ASTN2: variants seen among roughly 807,000 people sequenced by gnomAD.
ASTN2 encodes the protein astrotactin-2.
ASTN2 carries 54 observed loss-of-function variants against 139.8 expected under a neutral mutation model. The ratio of observed to expected loss-of-function variants is 0.39; its 90% CI spans 0.31 to 0.48. The LOEUF (loss-of-function observed/expected upper bound fraction) is 0.48. Among genes scored for constraint, ASTN2 ranks in the 20% least tolerant of loss-of-function variants. The pLI, the probability that ASTN2 is intolerant of heterozygous loss-of-function variation, is 0.95. For missense variants in ASTN2, 1,565 were observed against 1,725.1 expected (o/e 0.91, Z 1.64); for synonymous variants, 756 against 719.5 (o/e 1.05, Z -0.81).
At chr9:117,238,274 G>A (rs189710736) in intron 2 of ASTN2, among the ~76,000 whole-genome samples, 11 of 152,254 alleles carry the variant, frequency 7.2e-5, no homozygotes, top group Non-Finnish European at 1.6e-4. Flanking sequence ...ACAGCCACAG[G>A]AAAAGAGTGG....
intron 10 of ASTN2, among the ~76,000 whole-genome samples, chr9:116,911,765 G>A (rs574783752): frequency 2.6e-5 from 4 of 152,210 alleles, no homozygotes; most frequent in East Asian, 1.9e-4. Context: ...TTAGCCAGGC[G>A]TGGTGGCAGG....
intron 1 of ASTN2, among the ~76,000 whole-genome samples, chr9:117,301,734 T>C (rs1028096000): frequency 1.3e-5 from 2 of 152,164 alleles, no homozygotes; most frequent in Admixed American, 1.3e-4. Context: ...TAAAGTCCTT[T>C]GTTTCCTCTG....
At chr9:116,721,698 A>G (rs1365341030) in intron 16 of ASTN2, among the ~76,000 whole-genome samples, 1 of 152,120 alleles carries the variant, frequency 6.6e-6, no homozygotes, top group East Asian at 1.9e-4. Context: ...TTCCTGCATT[A>G]GATTCTACCT....
At chr9:116,449,363 AC>A (rs1264605882) in intron 20 of ASTN2, among the ~76,000 whole-genome samples, 1 of 152,178 alleles carries the variant, frequency 6.6e-6, no homozygotes, top group East Asian at 1.9e-4. Context: ...CCAAGATGGC[AC>A]CACTGCAGTC....
intron 19 of ASTN2, among the ~76,000 whole-genome samples, chr9:116,605,053 G>C (rs1330829529): frequency 1.3e-5 from 2 of 151,788 alleles, no homozygotes; most frequent in African/African-American, 4.8e-5. Context: ...GAGAGAGAGA[G>C]AGACAGAGAG....
At chr9:116,529,126 G>T (rs1851216293) in intron 19 of ASTN2, among the ~76,000 whole-genome samples, 1 of 152,102 alleles carries the variant, frequency 6.6e-6, no homozygotes, top group African/African-American at 2.4e-5. Context: ...TCAACAGCTT[G>T]CATCATGCAC....
chr9:117,065,540 C>T (rs948781499), intron 5 of ASTN2, among the ~76,000 whole-genome samples: 30 of 152,120 alleles, frequency 2.0e-4, no homozygotes, highest in Admixed American at 1.6e-3. Context: ...TTTTAGTTAC[C>T]TGTCTCTCTC....
intron 16 of ASTN2, among the ~76,000 whole-genome samples, chr9:116,678,347 C>T (rs1256985784): frequency 1.3e-5 from 2 of 152,172 alleles, no homozygotes; most frequent in East Asian, 1.9e-4. Flanking sequence ...GGCTCCACCC[C>T]TAGTACATAA....
At chr9:116,845,182 T>C (rs1377272924) in intron 11 of ASTN2, among the ~76,000 whole-genome samples, 2 of 152,292 alleles carry the variant, frequency 1.3e-5, no homozygotes, top group East Asian at 3.9e-4. Context: ...TGGTGCGATC[T>C]CGGCTCAATG....
chr9:116,498,124 G>T (rs1296352272), intron 19 of ASTN2, among the ~76,000 whole-genome samples: 1 of 152,174 alleles, frequency 6.6e-6, no homozygotes, highest in Non-Finnish European at 1.5e-5. Flanking sequence ...GAAAAAAGAG[G>T]CTCAGAGAGT....
intron 4 of ASTN2, among the ~76,000 whole-genome samples, chr9:117,134,770 G>C (rs1829911111): frequency 1.3e-5 from 2 of 152,116 alleles, no homozygotes; most frequent in African/African-American, 4.8e-5. Context: ...TTGTGGTGCA[G>C]ATACGTAATG....
At chr9:116,450,671 A>G (rs1049950750) in intron 20 of ASTN2, among the ~76,000 whole-genome samples, 7 of 152,154 alleles carry the variant, frequency 4.6e-5, no homozygotes, top group Admixed American at 3.3e-4. Flanking sequence ...GCTACCAAGC[A>G]AAGTATTTCT....
In ASTN2 at chr9:117,291,583, C is replaced by T. The variant is rs1044530556; in HGVS notation, c.443-70G>A. On this transcript the variant is annotated intron_variant, in intron 1 of 22. Transcript: ENST00000313400. Reference sequence around the variant, plus strand: ...CTTGGTGCTCCAGGGAGGAAAAGAGCCCACATAATCAGGAGCTCAGAAGGC... The same window carrying T: ...CTTGGTGCTCCAGGGAGGAAAAGAGTCCACATAATCAGGAGCTCAGAAGGC... The T allele has an allele frequency of 6.3e-6, 9 of 1,434,166 alleles. No homozygotes were observed. The African/African-American group carries it at 1.3e-4, about 20-fold the overall frequency. The allele number at this position is 1,434,166 out of a possible 1,614,324, so 88.8% of individuals were successfully genotyped here. A position where few individuals can be genotyped will look rare whatever the true frequency, so the allele number is the denominator to read the frequency against.
intron 10 of ASTN2, among the ~76,000 whole-genome samples, chr9:116,969,170 T>C (rs1257713034): frequency 6.6e-6 from 1 of 152,100 alleles, no homozygotes; most frequent in Non-Finnish European, 1.5e-5. Context: ...ATGTGGGATA[T>C]TGGCAAAGAT....
chr9:116,874,710 G>C (rs1377320114), intron 10 of ASTN2, among the ~76,000 whole-genome samples: 2 of 152,142 alleles, frequency 1.3e-5, no homozygotes, highest in Non-Finnish European at 2.9e-5. Context: ...CTCACCCCTG[G>C]AGTTGGAGGT....
chr9:116,609,377 G>GTA (rs1356237603), intron 19 of ASTN2, among the ~76,000 whole-genome samples: 1 of 31,626 alleles, frequency 3.2e-5, no homozygotes, highest in African/African-American at 1.4e-4. Flanking sequence ...ATATATATGG[G>GTA]TGTATATATA....
chr9:116,921,564 GGCGACCGAGC>G (rs375040056), intron 10 of ASTN2, among the ~76,000 whole-genome samples: 6,505 of 149,680 alleles, frequency 0.043, 437 homozygotes, highest in African/African-American at 0.14. Flanking sequence ...CTCCAGCCTG[GGCGACCGAGC>G]GAGACTCCGT....
At position 116,869,155 on chromosome 9, in the gene ASTN2, A is replaced by G. The variant is rs142097593; in HGVS notation, c.1890-5422T>C. Among the ~76,000 whole-genome samples, 13 of 152,308 alleles carry G rather than the reference A, an allele frequency of 8.5e-5. No homozygotes were observed. In the East Asian group the frequency reaches 2.5e-3, roughly 29 times the overall value. On this transcript the variant is annotated intron_variant, in intron 10 of 22. Coordinates refer to ENST00000313400, the MANE Select transcript of ASTN2 (RefSeq NM_001365068.1). Reference sequence around the variant, plus strand: ...AGCCGAGATCACAGCATTGCACTCCAGCCTGGGCAACAGAGCAAGACTCCT... The same window carrying G: ...AGCCGAGATCACAGCATTGCACTCCGGCCTGGGCAACAGAGCAAGACTCCT...
rs147549906 is a variant in ASTN2, at chr9:117,030,403, T to C, written c.1423+9416A>G. Among the ~76,000 whole-genome samples, 453 of 152,328 alleles carry C rather than the reference T, an allele frequency of 3.0e-3. 2 individuals are homozygous for C. Among genetic ancestry groups the C allele is most frequent in the African/African-American group, 0.011 (438 of 41,586 alleles). ...CCCTCTGCCCCAGTTCCTGGGAACATATTTTTGGACTCAATCTGCTATCAA... is the reference window on the plus strand; with the variant it reads ...CCCTCTGCCCCAGTTCCTGGGAACACATTTTTGGACTCAATCTGCTATCAA... On this transcript the variant is annotated intron_variant, in intron 6 of 22. Transcript: ENST00000313400.
Sources: allele counts gnomAD v4.1 joint callset (sites outside exome capture counted in the v4.1 genomes callset), GRCh38; gene constraint gnomAD v4.1.1; transcripts MANE v1.5; gene names NCBI Gene and HGNC (gene_info 2026-07-23, HGNC 2026-07-21).